The following ZNF385D variants were observed in gnomAD, a reference collection of about 807,000 sequenced individuals.
ZNF385D encodes the protein zinc finger protein 385D, also known as zinc finger protein 659.
A neutral mutation model predicts 35.8 loss-of-function variants in ZNF385D; 15 were observed. The observed-to-expected ratio is 0.42, with a 90% CI of 0.28 to 0.64. ZNF385D has a LOEUF of 0.64. ZNF385D is among the 30% of genes least tolerant of loss of function. The pLI, the probability that ZNF385D is intolerant of heterozygous loss-of-function variation, is 0.23. For synonymous variants in ZNF385D, 212 were observed against 186.8 expected (o/e 1.13, Z -1.10); for missense variants, 474 against 494.6 (o/e 0.96, Z 0.39).
chr3:22,014,432 ACT>A (rs1169697295), intron 3 of ZNF385D, among the ~76,000 whole-genome samples: 1 of 152,034 alleles, frequency 6.6e-6, no homozygotes, highest in Non-Finnish European at 1.5e-5. Context: ...AAAGAAGATA[ACT>A]CTGAAGAGCA....
At chr3:21,972,163 C>G (rs1703299095) in intron 3 of ZNF385D, among the ~76,000 whole-genome samples, 1 of 151,954 alleles carries the variant, frequency 6.6e-6, no homozygotes. Flanking sequence ...TTCTTTTTCT[C>G]AGCATATGAA....
At chr3:22,274,758 C>T (rs35782122) in intron 2 of ZNF385D, among the ~76,000 whole-genome samples, 50,598 of 150,280 alleles carry the variant, frequency 0.34, 8,697 homozygotes, top group Non-Finnish European at 0.37. Context: ...ATAAATATTG[C>T]GGCTTGGATT....
intron 3 of ZNF385D, among the ~76,000 whole-genome samples, chr3:21,917,872 G>A (rs141201933): frequency 6.6e-6 from 1 of 152,128 alleles, no homozygotes; most frequent in African/African-American, 2.4e-5. Flanking sequence ...TAACACTCTA[G>A]TCAGTCATTA....
chr3:21,416,188 G>A lies in ZNF385D; in HGVS notation c.*5026C>T, dbSNP rs1700560258. ...TGGGACTACAGGCGCCCGCCACCGC[G>A]CCCGGCTAATTTTTTGTATTTTTAG... On this transcript the variant is annotated 3_prime_UTR_variant, in exon 8 of 8. Coordinates refer to ENST00000281523, the MANE Select transcript of ZNF385D (RefSeq NM_024697.3). The A allele has an allele frequency of 2.7e-5, 1 of 37,354 alleles. No individual in the cohort carries two copies. Among genetic ancestry groups the A allele is most frequent in the Admixed American group, 2.1e-4 (1 of 4,796 alleles). The allele number at this position is 37,354 out of a possible 1,614,324, so 2.3% of individuals were successfully genotyped here.
At chr3:21,907,225 A>C (rs1699727160) in intron 3 of ZNF385D, among the ~76,000 whole-genome samples, 1 of 152,200 alleles carries the variant, frequency 6.6e-6, no homozygotes, top group African/African-American at 2.4e-5. Context: ...TAAAAATTTA[A>C]AAAACATGTA....
intron 2 of ZNF385D, among the ~76,000 whole-genome samples, chr3:22,180,919 T>G (rs957972256): frequency 1.4e-5 from 2 of 143,566 alleles, no homozygotes; most frequent in African/African-American, 5.7e-5. Flanking sequence ...TTGTTCTTTT[T>G]TTTTTTTTTT....
chr3:22,344,912 A>G (rs1436567580), intron 2 of ZNF385D, among the ~76,000 whole-genome samples: 2 of 152,178 alleles, frequency 1.3e-5, no homozygotes, highest in Non-Finnish European at 2.9e-5. Context: ...GAAGATTTTG[A>G]AGAATGTAGT....
At chr3:21,742,239 C>A (rs1045295029) in intron 1 of ZNF385D, among the ~76,000 whole-genome samples, 1 of 152,258 alleles carries the variant, frequency 6.6e-6, no homozygotes, top group East Asian at 1.9e-4. Context: ...CTAATTTGTC[C>A]AAAGCCGTGC....
chr3:21,474,407 G>A (rs1433880180), intron 4 of ZNF385D, among the ~76,000 whole-genome samples: 1 of 152,074 alleles, frequency 6.6e-6, no homozygotes, highest in Non-Finnish European at 1.5e-5. Flanking sequence ...AGGTGCCCCA[G>A]AAACAAATGT....
At chr3:22,339,871 T>G (rs1409157173) in intron 2 of ZNF385D, among the ~76,000 whole-genome samples, 3 of 152,190 alleles carry the variant, frequency 2.0e-5, no homozygotes, top group African/African-American at 7.2e-5. Flanking sequence ...CTCTTTCCTC[T>G]GAATCTCTGG....
intron 3 of ZNF385D, among the ~76,000 whole-genome samples, chr3:21,799,697 T>C (rs1435899281): frequency 6.6e-6 from 1 of 152,170 alleles, no homozygotes. Flanking sequence ...TGATTCCAGA[T>C]ACTTTCTCCC....
chr3:22,199,746 G>C (rs757187949), intron 2 of ZNF385D, among the ~76,000 whole-genome samples: 1 of 151,958 alleles, frequency 6.6e-6, no homozygotes, highest in African/African-American at 2.4e-5. Flanking sequence ...ATCTAAATGA[G>C]GTATGGCTAA....
intron 3 of ZNF385D, among the ~76,000 whole-genome samples, chr3:21,558,473 G>C (rs2062821736): frequency 6.6e-6 from 1 of 152,122 alleles, no homozygotes; most frequent in Admixed American, 6.6e-5. Flanking sequence ...TTTTGAGTCA[G>C]TTTCTTAATC....
At chr3:21,425,802 T>C (rs544683484) in intron 5 of ZNF385D, 132 bp from the exon 6 acceptor site, 1 of 729,664 alleles carries the variant, frequency 1.4e-6, no homozygotes, top group East Asian at 3.2e-5. Context: ...CAAAATCTGA[T>C]GCCTCATTTT....
rs137946560 is a variant in ZNF385D at position 21,746,734 on chromosome 3, C to T, written c.22+4161G>A. Among the ~76,000 whole-genome samples, 837 of 152,322 alleles carry T rather than the reference C, an allele frequency of 5.5e-3. 4 individuals are homozygous for T. The highest frequency in any genetic ancestry group is 0.017 in the Middle Eastern group (5 of 294). On this transcript the variant is annotated intron_variant, in intron 1 of 7. Coordinates refer to ENST00000281523, the MANE Select transcript of ZNF385D (RefSeq NM_024697.3). ...GGACCTAATTCCTCATAACAGATCA[C>T]TCAGTACAAACTAATTAGAAGGAGT...
intron 4 of ZNF385D, among the ~76,000 whole-genome samples, chr3:21,480,098 G>C (rs939710507): frequency 3.7e-5 from 5 of 133,442 alleles, no homozygotes; most frequent in African/African-American, 1.3e-4. Flanking sequence ...GAGAATGTAA[G>C]AATTTTTTTT....
At chr3:21,480,065 C>T (rs1045742087) in intron 4 of ZNF385D, among the ~76,000 whole-genome samples, 6 of 151,156 alleles carry the variant, frequency 4.0e-5, no homozygotes, top group South Asian at 2.1e-4. Flanking sequence ...ATAATAAACA[C>T]GGTGGGCCCA....
At chr3:21,977,381 G>T (rs28476537) in intron 3 of ZNF385D, among the ~76,000 whole-genome samples, 2,922 of 152,092 alleles carry the variant, frequency 0.019, 117 homozygotes, top group African/African-American at 0.066. Flanking sequence ...GTTGTCTAGG[G>T]GGTTCCACAG....
chr3:22,289,348 T>C (rs561974134), intron 2 of ZNF385D, among the ~76,000 whole-genome samples: 3 of 152,294 alleles, frequency 2.0e-5, no homozygotes, highest in African/African-American at 7.2e-5. Flanking sequence ...TCTATTTGTG[T>C]GCTTGGTACA....
Sources: gnomAD v4.1 joint callset for allele counts (sites outside exome capture counted in the v4.1 genomes callset) on GRCh38, gnomAD v4.1.1 for gene constraint, MANE v1.5 for transcripts, NCBI Gene and HGNC (gene_info 2026-07-23, HGNC 2026-07-21) for gene names.